FAM227B: variants seen among roughly 807,000 people sequenced by gnomAD.
FAM227B encodes the protein protein FAM227B.
FAM227B carries 88 observed loss-of-function variants against 73.8 expected under a neutral mutation model. That is an observed-to-expected ratio of 1.19 (90% confidence interval 1.00 to 1.42). The LOEUF is 1.42. Among genes scored for constraint, FAM227B ranks in the 40% most tolerant of loss-of-function variants. FAM227B has a pLI of 0.00. For synonymous variants in FAM227B, 210 were observed against 190.5 expected (o/e 1.10, Z -0.84); for missense variants, 632 against 590.9 (o/e 1.07, Z -0.72).
intron 11 of FAM227B, chr15:49,484,379 G>T (rs768669418): frequency 3.1e-6 from 5 of 1,594,658 alleles, no homozygotes; most frequent in Non-Finnish European, 4.2e-6. Flanking sequence ...ATATGCATCA[G>T]CTAAATGGAC....
At chr15:49,553,690 T>C (rs941364694) in intron 9 of FAM227B, among the ~76,000 whole-genome samples, 4 of 152,176 alleles carry the variant, frequency 2.6e-5, no homozygotes, top group Non-Finnish European at 4.4e-5. Context: ...CACCATGCCA[T>C]GAGGAATATT....
At position 49,508,236 on chromosome 15, in the gene FAM227B, T is replaced by G. The variant is rs1410580223; in HGVS notation, c.987A>C (p.Ala329=). ...APAKSVKERI[A]DSQEHISTSI... ...TAGTTGATATATGTTCTTGACTGTC[T>G]GCAATTCTTTCCTTTACTGATTTTG... The change falls in exon 11 of 16, where the codon GCA becomes GCC. Residue 329 remains alanine, a synonymous_variant. Transcript: ENST00000299338. 1.2e-5 allele frequency: 19 copies of G among 1,610,906 alleles called. No individual in the cohort carries two copies. Among genetic ancestry groups the G allele is most frequent in the Non-Finnish European group, 1.6e-5 (19 of 1,178,680 alleles).
chr15:49,483,677 A>G (rs2056152539), intron 11 of FAM227B, among the ~76,000 whole-genome samples: 1 of 152,066 alleles, frequency 6.6e-6, no homozygotes, highest in African/African-American at 2.4e-5. Context: ...TCTCACAATC[A>G]TGGGCATTGA....
intron 10 of FAM227B, among the ~76,000 whole-genome samples, chr15:49,522,249 T>C (rs1456468817): frequency 2.0e-5 from 3 of 152,050 alleles, no homozygotes; most frequent in Admixed American, 6.6e-5. Flanking sequence ...ATACACAACA[T>C]ACACTACAGT....
intron 8 of FAM227B, among the ~76,000 whole-genome samples, chr15:49,568,736 T>C (rs929290715): frequency 6.6e-6 from 1 of 151,998 alleles, no homozygotes; most frequent in African/African-American, 2.4e-5. Context: ...ATAAATCCCA[T>C]TGGTTATGGT....
At chr15:49,570,295 C>G (rs1008514936) in intron 8 of FAM227B, among the ~76,000 whole-genome samples, 1 of 151,828 alleles carries the variant, frequency 6.6e-6, no homozygotes, top group African/African-American at 2.4e-5. Flanking sequence ...AACTTGTTAT[C>G]TTTCATCTTT....
At chr15:49,574,820 A>G (rs997954227) in intron 8 of FAM227B, 191 bp downstream of exon 8, 4 of 341,122 alleles carry the variant, frequency 1.2e-5, no homozygotes, top group African/African-American at 8.6e-5. Flanking sequence ...ATCTTTTGAA[A>G]TCTATATTAA....
chr15:49,611,133 A>T lies in FAM227B; in HGVS notation c.105+82T>A, dbSNP rs185550111. Reference sequence around the variant, plus strand: ...ATATTTCTGAAATTTCTAGTCTTAAAGTTTATTCTAAGCCTTCTAAATCTC... The same window carrying T: ...ATATTTCTGAAATTTCTAGTCTTAATGTTTATTCTAAGCCTTCTAAATCTC... On this transcript the variant is annotated intron_variant, in intron 3 of 15. Coordinates refer to ENST00000299338, the MANE Select transcript of FAM227B (RefSeq NM_152647.3). 5.4e-4 allele frequency: 443 copies of T among 820,582 alleles called. 2 individuals are homozygous for T. In the African/African-American group the frequency reaches 7.2e-3, roughly 13 times the overall value. The allele number at this position is 820,582 out of a possible 1,614,324, so 50.8% of individuals were successfully genotyped here.
At chr15:49,440,208 C>T (rs986190087) in intron 11 of FAM227B, among the ~76,000 whole-genome samples, 5 of 151,734 alleles carry the variant, frequency 3.3e-5, no homozygotes, top group African/African-American at 1.2e-4. Context: ...AAACAATATG[C>T]ATTATTACTG....
chr15:49,577,622 T>A lies in FAM227B; in HGVS notation c.441+7A>T. On this transcript the variant is annotated splice_region_variant and intron_variant, in intron 6 of 15. Transcript: ENST00000299338. ...ATACAATCTGGCAGAACAGAAATTT[T>A]AAGTACCTCTATATTCTTCTCTGTC... 2 of 1,545,998 alleles carry A rather than the reference T, an allele frequency of 1.3e-6. No homozygotes were observed. Among genetic ancestry groups the A allele is most frequent in the Non-Finnish European group, 1.8e-6 (2 of 1,132,070 alleles).
rs544961011 is a variant in FAM227B, at chr15:49,388,031, A to C, written c.1013-16632T>G. Among the ~76,000 whole-genome samples, 120 of 152,116 alleles carry C rather than the reference A, an allele frequency of 7.9e-4. 1 individual carries two copies. The highest frequency in any genetic ancestry group is 2.8e-3 in the African/African-American group (117 of 41,544). ...TTCATGCTCATGGATTGGAAGAATCAATATTGTGCAAATGATCATACTGCC... is the reference window on the plus strand; with the variant it reads ...TTCATGCTCATGGATTGGAAGAATCCATATTGTGCAAATGATCATACTGCC... On this transcript the variant is annotated intron_variant, in intron 11 of 15. Coordinates refer to ENST00000299338, the MANE Select transcript of FAM227B (RefSeq NM_152647.3).
intron 11 of FAM227B, among the ~76,000 whole-genome samples, chr15:49,504,786 A>G (rs2058450999): frequency 6.6e-6 from 1 of 152,126 alleles, no homozygotes; most frequent in African/African-American, 2.4e-5. Flanking sequence ...CCATGAGCCA[A>G]TTGAGCCTCT....
chr15:49,485,483 AC>A (rs1209884267), intron 11 of FAM227B: 2 of 151,440 alleles, frequency 1.3e-5, no homozygotes, highest in Non-Finnish European at 3.0e-5. Flanking sequence ...TAAAAAAAAA[AC>A]CTTAATAAGC....
chr15:49,367,337 G>A, intron 13 of FAM227B, 111 bp downstream of exon 13: 1 of 972,188 alleles, frequency 1.0e-6, no homozygotes, highest in African/African-American at 1.7e-5. Flanking sequence ...CTAAACAGAA[G>A]CATTGATAAA....
chr15:49,333,844 G>A (rs1567088994), intron 14 of FAM227B, among the ~76,000 whole-genome samples: 1 of 152,134 alleles, frequency 6.6e-6, no homozygotes, highest in Non-Finnish European at 1.5e-5. Flanking sequence ...TAAAATAAAT[G>A]AGCCCAATTT....
chr15:49,511,835 T>A (rs2059020904), intron 10 of FAM227B, among the ~76,000 whole-genome samples: 2 of 152,276 alleles, frequency 1.3e-5, no homozygotes, highest in Middle Eastern at 6.8e-3. Flanking sequence ...GTACCGCATA[T>A]CCTTTATCCA....
chr15:49,518,649 T>C (rs1476567079), intron 10 of FAM227B, among the ~76,000 whole-genome samples: 2 of 152,108 alleles, frequency 1.3e-5, no homozygotes, highest in South Asian at 2.1e-4. Flanking sequence ...AGGAGACTTA[T>C]TCACTATCAT....
chr15:49,490,868 C>G (rs2057030748), intron 11 of FAM227B, among the ~76,000 whole-genome samples: 1 of 151,746 alleles, frequency 6.6e-6, no homozygotes, highest in South Asian at 2.1e-4. Context: ...TTATATATCT[C>G]CGATTGTTGA....
At chr15:49,607,724 A>G (rs1422039875) in intron 3 of FAM227B, among the ~76,000 whole-genome samples, 1 of 152,152 alleles carries the variant, frequency 6.6e-6, no homozygotes, top group Non-Finnish European at 1.5e-5. Context: ...TCACCAAGGT[A>G]ATCAAGGGAT....
Sources: allele counts gnomAD v4.1 joint callset (sites outside exome capture counted in the v4.1 genomes callset), GRCh38; gene constraint gnomAD v4.1.1; transcripts MANE v1.5; gene names NCBI Gene and HGNC (gene_info 2026-07-23, HGNC 2026-07-21).